DLG3: variants seen among roughly 807,000 people sequenced by gnomAD.
DLG3 encodes the protein disks large homolog 3.
Under a neutral mutation model 64.1 loss-of-function variants are expected in DLG3, and 1 was observed. That is an observed-to-expected ratio of 0.02 (90% CI 0.01 to 0.07). The LOEUF is 0.07. DLG3 is among the 10% of genes least tolerant of loss of function. DLG3 has a pLI of 1.00. For missense variants in DLG3, 429 were observed against 669.5 expected (o/e 0.64, Z 3.96); for synonymous variants, 245 against 259.8 (o/e 0.94, Z 0.55).
chrX:70,487,944 C>T (rs748784495), intron 10 of DLG3, among the ~76,000 whole-genome samples: 1 of 111,373 alleles, frequency 9.0e-6, no homozygotes, highest in South Asian at 3.9e-4. Context: ...AACCACCGCA[C>T]CCAACCAGAC....
intron 10 of DLG3, among the ~76,000 whole-genome samples, chrX:70,484,191 C>G (rs1422506823): frequency 8.9e-6 from 1 of 112,273 alleles, no homozygotes; most frequent in East Asian, 2.8e-4. Context: ...TCGGGCTAGC[C>G]TGGCTGCATT....
At chrX:70,474,194 G>A (rs1011908961) in intron 9 of DLG3, among the ~76,000 whole-genome samples, 1 of 111,904 alleles carries the variant, frequency 8.9e-6, no homozygotes, top group African/African-American at 3.2e-5. Context: ...TCATTGAGTC[G>A]TTATAGATAC....
At chrX:70,448,795 C>G (rs1157873262) in intron 1 of DLG3, 118 bp from the exon 2 acceptor site, 2 of 1,000,316 alleles carry the variant, frequency 2.0e-6, no homozygotes, top group Non-Finnish European at 2.8e-6. Context: ...CAAGAGGTGA[C>G]CTGGGGTGCA....
chrX:70,460,025 CT>C (rs1442458475), intron 9 of DLG3, among the ~76,000 whole-genome samples: 1 of 111,182 alleles, frequency 9.0e-6, no homozygotes, highest in Admixed American at 9.6e-5. Context: ...TGGCTCACAC[CT>C]GTAATCCCAA....
intron 1 of DLG3, among the ~76,000 whole-genome samples, chrX:70,445,835 C>T: frequency 1.2e-5 from 1 of 86,377 alleles, no homozygotes; most frequent in Admixed American, 1.5e-4. Context: ...TTGGGTTTGT[C>T]TCAGTGTGGG....
intron 9 of DLG3, among the ~76,000 whole-genome samples, chrX:70,462,243 C>CTTTTTTTTTT (rs141689653): frequency 8.5e-5 from 4 of 46,983 alleles, no homozygotes; most frequent in African/African-American, 1.1e-4. Flanking sequence ...TTCTTTCTTT[C>CTTTTTTTTTT]TTTTTTTTTT....
rs748214949 is a variant in DLG3 at position 70,452,542 on chromosome X, C to G, written c.1145+516C>G. On this transcript the variant is annotated intron_variant, in intron 7 of 18. Coordinates refer to ENST00000374360, the MANE Select transcript of DLG3 (RefSeq NM_021120.4). ...GCTGGGGTTCCGGGGGACAGGTTTG[C>G]AGGGTGGGGCCCGAGAGGCTGGCGG... 130 of 1,160,479 alleles carry G rather than the reference C, an allele frequency of 1.1e-4. No individual in the cohort carries two copies. The South Asian group carries it at 1.9e-3, about 17-fold the overall frequency.
At chrX:70,491,198 C>CCT (rs983107094) in intron 10 of DLG3, among the ~76,000 whole-genome samples, 1 of 112,269 alleles carries the variant, frequency 8.9e-6, no homozygotes, top group African/African-American at 3.2e-5. Flanking sequence ...CAGGCGTGAG[C>CCT]CTCTGCGCCC....
At chrX:70,452,687 G>A (rs369619126) in intron 7 of DLG3, 2 of 1,201,495 alleles carry the variant, frequency 1.7e-6, no homozygotes, top group Non-Finnish European at 2.2e-6. Flanking sequence ...CCTCCGCTTC[G>A]GCCTGGAGGA....
rs189422510 is a variant in DLG3, at chrX:70,457,916, C to T, written c.1405+3600C>T. The stretch of plus-strand genomic sequence containing the variant: ...TGTGAGACAGTGTCAGGCTCTGTTG[C>T]CCAGGCTGGAGTGCAGTAGCACGAT... On this transcript the variant is annotated intron_variant, in intron 9 of 18. Transcript: ENST00000374360. 9.0e-3 allele frequency among the ~76,000 whole-genome samples: 987 copies of T among 109,402 alleles called. 13 individuals carry two copies. Among genetic ancestry groups the T allele is most frequent in the African/African-American group, 0.031 (931 of 29,899 alleles).
intron 6 of DLG3, chrX:70,451,110 T>C: frequency 3.4e-6 from 1 of 291,713 alleles, no homozygotes; most frequent in Non-Finnish European, 6.1e-6. Context: ...TGTTTTTTTG[T>C]TTGTTTGTTT....
At chrX:70,445,837 C>T (rs1329187637) in intron 1 of DLG3, among the ~76,000 whole-genome samples, 1 of 79,810 alleles carries the variant, frequency 1.3e-5, no homozygotes, top group Non-Finnish European at 2.3e-5. Flanking sequence ...GGGTTTGTCT[C>T]AGTGTGGGGG....
chrX:70,445,337 G>A lies in DLG3; in HGVS notation c.136G>A (p.Gly46Ser). 1 of 1,169,501 alleles carries A rather than the reference G, an allele frequency of 8.6e-7. No individual in the cohort carries two copies. The highest frequency in any genetic ancestry group is 1.1e-6 in the Non-Finnish European group (1 of 875,765). The change falls in exon 1 of 19, where the codon GGC (glycine) becomes AGC (serine). Residue 46 changes from glycine (G) to serine (S), a missense_variant. By Grantham distance (56) the Gly-to-Ser change is moderately conservative. This residue lies in a region of DLG3 where 123 missense variants were observed against 113.3 expected (regional missense o/e 1.09). Coordinates refer to ENST00000374360, the MANE Select transcript of DLG3 (RefSeq NM_021120.4). The part of the protein sequence containing the change: ...PDPYGPGGGN[G>S]ASAGYGGYSS... ...CCCTTACGGGCCAGGTGGGGGCAACGGCGCCAGCGCGGGTTATGGGGGCTA... is the reference window on the plus strand; with the variant it reads ...CCCTTACGGGCCAGGTGGGGGCAACAGCGCCAGCGCGGGTTATGGGGGCTA...
rs1031020398 is a variant in DLG3, at chrX:70,448,392, G to A, written c.358-521G>A. Among the ~76,000 whole-genome samples, 5 of 112,421 alleles carry A rather than the reference G, an allele frequency of 4.4e-5. No homozygotes were observed. In the Admixed American group the frequency reaches 4.7e-4, roughly 11 times the overall value. On this transcript the variant is annotated intron_variant, in intron 1 of 18. Transcript: ENST00000374360. ...TCCGTGTCACCTACTGTCACATAAA[G>A]GGGATAGGACAAGATGATGTCTGCT...
chrX:70,470,864 C>A (rs73216724), intron 9 of DLG3, among the ~76,000 whole-genome samples: 5,369 of 111,558 alleles, frequency 0.048, 97 homozygotes, highest in East Asian at 0.061. Flanking sequence ...GTCCAGTTCG[C>A]AATAGGGAAC....
At chrX:70,478,709 G>C (rs974466626) in intron 9 of DLG3, among the ~76,000 whole-genome samples, 1 of 111,313 alleles carries the variant, frequency 9.0e-6, no homozygotes, top group Non-Finnish European at 1.9e-5. Context: ...GTCCTTTCCA[G>C]CCCCTCCGCT....
At chrX:70,473,403 C>A (rs182798280) in intron 9 of DLG3, among the ~76,000 whole-genome samples, 2 of 110,038 alleles carry the variant, frequency 1.8e-5, no homozygotes, top group African/African-American at 6.7e-5. Flanking sequence ...AACTCCACCC[C>A]CTTCCCACAG....
At position 70,451,965 on chromosome X, in the gene DLG3, G is replaced by A. The variant is rs749248121; in HGVS notation, c.1084G>A (p.Val362Ile). 4.1e-6 allele frequency: 5 copies of A among 1,211,200 alleles called. No homozygotes were observed. In the East Asian group the frequency reaches 1.5e-4, roughly 36 times the overall value. The change falls in exon 7 of 19, where the codon GTT becomes ATT. Residue 362 changes from valine (V) to isoleucine (I), a missense_variant. Val to Ile is a conservative substitution (Grantham distance 29). Coordinates refer to ENST00000374360, the MANE Select transcript of DLG3 (RefSeq NM_021120.4). Reference protein sequence around the residue: ...SKVSYPAPPQVPPTRYSPIPR... With the variant: ...SKVSYPAPPQIPPTRYSPIPR... ...GGTCAGCTACCCTGCTCCTCCTCAG[G>A]TTCCCCCCACCCGCTACTCTCCTAT...
intron 12 of DLG3, among the ~76,000 whole-genome samples, chrX:70,493,090 G>A (rs752232038): frequency 1.8e-5 from 2 of 112,186 alleles, no homozygotes; most frequent in African/African-American, 6.5e-5. Flanking sequence ...CTTAGGGCAT[G>A]TGTCCAGGAG....
Sources: gnomAD v4.1 joint callset for allele counts (sites outside exome capture counted in the v4.1 genomes callset) on GRCh38, gnomAD v4.1.1 for gene constraint, gnomAD v4.1.1 regional missense constraint, MANE v1.5 for transcripts, NCBI Gene and HGNC (gene_info 2026-07-23, HGNC 2026-07-21) for gene names.